GKAP1: variants seen among roughly 807,000 people sequenced by gnomAD.
GKAP1 encodes the protein G kinase anchoring protein 1.
Under a neutral mutation model 56.7 loss-of-function variants are expected in GKAP1, and 31 were observed. The ratio of observed to expected loss-of-function variants is 0.55; its 90% CI spans 0.41 to 0.74. The LOEUF is 0.74. Ranked by LOEUF, GKAP1 falls within the 30% of genes least tolerant of loss-of-function variation. The probability of loss-of-function intolerance (pLI) is 0.00; values close to 1 mark genes in which losing one functional copy is unlikely to be tolerated. For synonymous variants in GKAP1, 151 were observed against 138.6 expected (o/e 1.09, Z -0.63); for missense variants, 364 against 402.3 (o/e 0.90, Z 0.82).
chr9:83,790,664 A>G (rs1944141919), intron 4 of GKAP1, among the ~76,000 whole-genome samples: 1 of 151,940 alleles, frequency 6.6e-6, no homozygotes, highest in South Asian at 2.1e-4. Flanking sequence ...AAACAAAAAA[A>G]CAGCCTGGCA....
At chr9:83,779,486 TATATACAC>T (rs538796507) in intron 7 of GKAP1, among the ~76,000 whole-genome samples, 29 of 87,812 alleles carry the variant, frequency 3.3e-4, no homozygotes, top group African/African-American at 1.0e-3. Context: ...TATACATACA[TATATACAC>T]ATATACACAT....
intron 7 of GKAP1, among the ~76,000 whole-genome samples, chr9:83,772,531 A>G (rs1399879872): frequency 5.3e-5 from 8 of 152,218 alleles, no homozygotes. Flanking sequence ...CAATCCATAA[A>G]GTCACAAACT....
At chr9:83,747,107 T>C (rs535717079) in intron 10 of GKAP1, among the ~76,000 whole-genome samples, 1 of 152,372 alleles carries the variant, frequency 6.6e-6, no homozygotes, top group South Asian at 2.1e-4. Context: ...TGTCTTAATC[T>C]GTGTTTCTTT....
At chr9:83,815,757 A>G (rs1279733426) in intron 2 of GKAP1, among the ~76,000 whole-genome samples, 1 of 152,212 alleles carries the variant, frequency 6.6e-6, no homozygotes, top group Non-Finnish European at 1.5e-5. Flanking sequence ...TATAACTTAG[A>G]TCGAAATTAA....
intron 2 of GKAP1, among the ~76,000 whole-genome samples, chr9:83,807,897 A>T (rs1233744888): frequency 6.6e-6 from 1 of 152,252 alleles, no homozygotes; most frequent in South Asian, 2.1e-4. Context: ...GTATGTTTTC[A>T]GGAGGGAAGA....
intron 6 of GKAP1, among the ~76,000 whole-genome samples, chr9:83,784,500 C>G (rs532971256): frequency 6.6e-6 from 1 of 152,254 alleles, no homozygotes; most frequent in Admixed American, 6.5e-5. Flanking sequence ...GAACTGTGAG[C>G]CAATAAACTT....
At chr9:83,783,796 A>C (rs1433010986) in intron 6 of GKAP1, among the ~76,000 whole-genome samples, 1 of 152,232 alleles carries the variant, frequency 6.6e-6, no homozygotes, top group Non-Finnish European at 1.5e-5. Flanking sequence ...TCAAACTACA[A>C]ATGTCAGTTT....
intron 8 of GKAP1, among the ~76,000 whole-genome samples, chr9:83,758,830 C>T (rs770271431): frequency 7.9e-5 from 12 of 151,720 alleles, no homozygotes; most frequent in Non-Finnish European, 1.6e-4. Flanking sequence ...AATGTATGCA[C>T]AGTTAAAAAG....
intron 4 of GKAP1, among the ~76,000 whole-genome samples, chr9:83,791,402 C>CA (rs141346430): frequency 1.6e-3 from 219 of 137,088 alleles, no homozygotes; most frequent in East Asian, 5.2e-3. Context: ...GACTCCGTCT[C>CA]AAAAAAAAAA....
intron 7 of GKAP1, among the ~76,000 whole-genome samples, chr9:83,772,366 T>G (rs1015756018): frequency 2.0e-5 from 3 of 152,174 alleles, no homozygotes; most frequent in African/African-American, 7.2e-5. Flanking sequence ...AGTGTTGTGC[T>G]GGGAGAAGTG....
intron 8 of GKAP1, among the ~76,000 whole-genome samples, chr9:83,761,836 C>T (rs1382851240): frequency 6.6e-6 from 1 of 152,136 alleles, no homozygotes; most frequent in Non-Finnish European, 1.5e-5. Flanking sequence ...GCTGAAAAAG[C>T]ATTTGATAAA....
chr9:83,789,722 T>C (rs1944123273), intron 4 of GKAP1, among the ~76,000 whole-genome samples: 1 of 151,568 alleles, frequency 6.6e-6, no homozygotes, highest in African/African-American at 2.4e-5. Flanking sequence ...AGTGATCCAA[T>C]TCCTTTTTTT....
At chr9:83,754,062 A>G (rs540677346) in intron 8 of GKAP1, among the ~76,000 whole-genome samples, 2 of 152,348 alleles carry the variant, frequency 1.3e-5, no homozygotes, top group African/African-American at 4.8e-5. Flanking sequence ...AGATTTGTCT[A>G]TCAATTATAT....
intron 4 of GKAP1, among the ~76,000 whole-genome samples, chr9:83,795,481 C>CTCCTT (rs1416477024): frequency 1.3e-5 from 2 of 150,996 alleles, no homozygotes; most frequent in Admixed American, 1.3e-4. Flanking sequence ...ATTGTTTGTG[C>CTCCTT]TCTTTATTTA....
intron 9 of GKAP1, 26 bp downstream of exon 9, chr9:83,753,231 CT>C: frequency 7.6e-7 from 1 of 1,312,656 alleles, no homozygotes; most frequent in Non-Finnish European, 1.1e-6. Flanking sequence ...GAATTATTTT[CT>C]TTAACAACAG....
intron 4 of GKAP1, among the ~76,000 whole-genome samples, chr9:83,790,773 C>T (rs1045223792): frequency 3.9e-5 from 6 of 151,920 alleles, no homozygotes; most frequent in African/African-American, 1.5e-4. Flanking sequence ...GATTGCACCA[C>T]TGCACTCCAG....
intron 7 of GKAP1, among the ~76,000 whole-genome samples, chr9:83,773,462 G>A (rs1208438613): frequency 6.6e-6 from 1 of 152,022 alleles, no homozygotes; most frequent in East Asian, 1.9e-4. Context: ...GCACAACCAT[G>A]AGTGAATTAT....
At chr9:83,792,021 G>T (rs1944167871) in intron 4 of GKAP1, among the ~76,000 whole-genome samples, 1 of 152,196 alleles carries the variant, frequency 6.6e-6, no homozygotes, top group African/African-American at 2.4e-5. Flanking sequence ...AGAGAAAGAT[G>T]TGGAAAAAAC....
At chr9:83,769,870 CTT>C (rs1241635179) in intron 7 of GKAP1, among the ~76,000 whole-genome samples, 1 of 152,162 alleles carries the variant, frequency 6.6e-6, no homozygotes, top group Non-Finnish European at 1.5e-5. Flanking sequence ...CTCATCAACA[CTT>C]GTTGTTATCT....
Sources: allele counts gnomAD v4.1 joint callset (sites outside exome capture counted in the v4.1 genomes callset), GRCh38; gene constraint gnomAD v4.1.1; transcripts MANE v1.5; gene names NCBI Gene and HGNC (gene_info 2026-07-23, HGNC 2026-07-21).